MYO3A: variants seen among roughly 807,000 people sequenced by gnomAD.
The protein encoded by MYO3A is myosin IIIA, also known as myosin-IIIa.
In MYO3A, 180 loss-of-function variants were observed where a neutral mutation model predicts 192.7. The observed-to-expected ratio is 0.93, with a 90% CI of 0.83 to 1.06. The LOEUF (loss-of-function observed/expected upper bound fraction) is 1.06. Among genes scored for constraint, MYO3A ranks in the 50% least tolerant of loss-of-function variants. MYO3A has a pLI of 0.00. For synonymous variants in MYO3A, 628 were observed against 645.3 expected, an observed-to-expected ratio of 0.97 and a Z score of 0.41; for missense variants, 1,896 against 1,905.0, an observed-to-expected ratio of 1.00 and a Z score of 0.09.
chr10:26,056,142 G>A (rs2131313761), intron 10 of MYO3A, among the ~76,000 whole-genome samples: 1 of 152,286 alleles, frequency 6.6e-6, no homozygotes, highest in African/African-American at 2.4e-5. Flanking sequence ...TAGAGAGATG[G>A]GAATTCTGAG....
chr10:25,994,496 G>C (rs1840288606), intron 4 of MYO3A, among the ~76,000 whole-genome samples: 1 of 152,168 alleles, frequency 6.6e-6, no homozygotes, highest in African/African-American at 2.4e-5. Context: ...TTTAATTGGA[G>C]CATTTAGTCC....
intron 10 of MYO3A, among the ~76,000 whole-genome samples, chr10:26,062,530 A>AAAAAACAAAAAAAAACG (rs1554816581): frequency 7.9e-6 from 1 of 125,946 alleles, no homozygotes. Flanking sequence ...AAAAAAAAAA[A>AAAAAACAAAAAAAAACG]AAATTATGGA....
chr10:26,138,249 T>G (rs578072485), intron 20 of MYO3A, among the ~76,000 whole-genome samples: 32 of 152,300 alleles, frequency 2.1e-4, no homozygotes, highest in Admixed American at 1.8e-3. Context: ...ATTCCTCTCC[T>G]TGTACTGTTT....
chr10:26,153,387 G>A (rs149934647), intron 23 of MYO3A, among the ~76,000 whole-genome samples: 123 of 152,244 alleles, frequency 8.1e-4, no homozygotes, highest in African/African-American at 2.7e-3. Context: ...AATGAAGCAC[G>A]TTTCTGAAAG....
At chr10:26,022,550 G>A (rs1173609698) in intron 8 of MYO3A, 1 of 151,958 alleles carries the variant, frequency 6.6e-6, no homozygotes, top group African/African-American at 2.4e-5. Flanking sequence ...TAATACCTTG[G>A]CTATATATCA....
chr10:26,179,517 A>G (rs1379286472), intron 31 of MYO3A, among the ~76,000 whole-genome samples: 2 of 152,180 alleles, frequency 1.3e-5, no homozygotes, highest in Non-Finnish European at 2.9e-5. Context: ...ACTCTTGTTT[A>G]TATCAGTCTA....
At chr10:26,096,343 C>T (rs751299557) in intron 15 of MYO3A, 38 bp from the exon 16 acceptor site, 23 of 1,409,752 alleles carry the variant, frequency 1.6e-5, no homozygotes, top group Non-Finnish European at 2.3e-5. Context: ...AAGAAATGTT[C>T]TTACTAACTA....
chr10:26,066,467 C>T (rs1834853653), intron 10 of MYO3A, among the ~76,000 whole-genome samples: 1 of 152,142 alleles, frequency 6.6e-6, no homozygotes, highest in Non-Finnish European at 1.5e-5. Context: ...AAATGTTTTA[C>T]TTTGAAAATA....
intron 15 of MYO3A, among the ~76,000 whole-genome samples, chr10:26,092,464 T>C (rs1314925499): frequency 1.0e-5 from 1 of 97,092 alleles, no homozygotes; most frequent in Admixed American, 9.4e-5. Flanking sequence ...AGACTCTGTC[T>C]CAAAAAAAAA....
chr10:26,190,933 T>A (rs1369779912), intron 31 of MYO3A, among the ~76,000 whole-genome samples: 2 of 152,176 alleles, frequency 1.3e-5, no homozygotes, highest in African/African-American at 4.8e-5. Flanking sequence ...AGAACCTTTT[T>A]TTGTTTTTCA....
intron 4 of MYO3A, among the ~76,000 whole-genome samples, chr10:25,980,370 G>A (rs780568319): frequency 3.9e-4 from 60 of 152,002 alleles, no homozygotes; most frequent in African/African-American, 8.2e-4. Context: ...GAGAAAAAGC[G>A]GTCCTAGTCA....
chr10:26,122,446 T>G (rs1473648545), intron 18 of MYO3A, among the ~76,000 whole-genome samples: 1 of 152,228 alleles, frequency 6.6e-6, no homozygotes, highest in African/African-American at 2.4e-5. Context: ...TACAAGAGCC[T>G]TGTTTCAATT....
intron 14 of MYO3A, among the ~76,000 whole-genome samples, chr10:26,084,988 T>A (rs2131488487): frequency 6.6e-6 from 1 of 152,308 alleles, no homozygotes; most frequent in East Asian, 1.9e-4. Context: ...CTGACTCAAT[T>A]TTGGTAGGTT....
intron 26 of MYO3A, 78 bp downstream of exon 26, chr10:26,157,593 T>A: frequency 6.7e-7 from 1 of 1,489,150 alleles, no homozygotes; most frequent in South Asian, 1.2e-5. Flanking sequence ...AAACATAATA[T>A]GAAAAAATCT....
At chr10:26,109,601 G>A (rs895642803) in intron 17 of MYO3A, among the ~76,000 whole-genome samples, 1 of 152,180 alleles carries the variant, frequency 6.6e-6, no homozygotes, top group Non-Finnish European at 1.5e-5. Context: ...GGTCTTGGGA[G>A]GTATCCACCA....
chr10:26,106,016 C>T (rs1163601293), intron 17 of MYO3A, among the ~76,000 whole-genome samples: 2 of 151,976 alleles, frequency 1.3e-5, no homozygotes, highest in East Asian at 3.8e-4. Context: ...ATTCTGTTGT[C>T]TTGATTACAG....
chr10:25,987,599 G>A (rs1340583209), intron 4 of MYO3A, among the ~76,000 whole-genome samples: 2 of 152,130 alleles, frequency 1.3e-5, no homozygotes, highest in African/African-American at 4.8e-5. Context: ...ACAAGCATAT[G>A]AAAAAATTCT....
intron 2 of MYO3A, among the ~76,000 whole-genome samples, chr10:25,944,184 A>T (rs932111697): frequency 6.6e-6 from 1 of 151,928 alleles, no homozygotes; most frequent in African/African-American, 2.4e-5. Context: ...TCTTCTGTTA[A>T]TATGGCATAT....
At chr10:26,130,684 G>A (rs897611848) in intron 20 of MYO3A, among the ~76,000 whole-genome samples, 2 of 152,146 alleles carry the variant, frequency 1.3e-5, no homozygotes, top group Non-Finnish European at 1.5e-5. Context: ...CTGCTTCATA[G>A]TCTTATGAAC....
Sources: allele counts gnomAD v4.1 joint callset (sites outside exome capture counted in the v4.1 genomes callset), GRCh38; gene constraint gnomAD v4.1.1; transcripts MANE v1.5; gene names NCBI Gene and HGNC (gene_info 2026-07-23, HGNC 2026-07-21).